The following CNBD1 variants were observed in gnomAD, a reference collection of about 807,000 sequenced individuals.
The protein encoded by CNBD1 is cyclic nucleotide-binding domain-containing protein 1.
A neutral mutation model predicts 54.4 loss-of-function variants in CNBD1; 71 were observed. The ratio of observed to expected loss-of-function variants is 1.30; its 90% CI spans 1.08 to 1.59. The LOEUF is 1.59. Among genes scored for constraint, CNBD1 ranks in the 40% most tolerant of loss-of-function variants. The probability of loss-of-function intolerance (pLI) is 0.00; values close to 1 mark genes in which losing one functional copy is unlikely to be tolerated. For missense variants in CNBD1, 659 were observed against 518.0 expected, an observed-to-expected ratio of 1.27 and a Z score of -2.64; for synonymous variants, 182 against 170.7, an observed-to-expected ratio of 1.07 and a Z score of -0.51.
chr8:87,003,403 C>T (rs1809032971), intron 4 of CNBD1, among the ~76,000 whole-genome samples: 1 of 152,020 alleles, frequency 6.6e-6, no homozygotes, highest in Non-Finnish European at 1.5e-5. Flanking sequence ...AAAAGGGAGG[C>T]AGGGGAGCAT....
At chr8:87,362,049 C>G (rs2130937460) in intron 10 of CNBD1, among the ~76,000 whole-genome samples, 1 of 152,052 alleles carries the variant, frequency 6.6e-6, no homozygotes, top group East Asian at 1.9e-4. Flanking sequence ...AGATTGAGTC[C>G]AATGACAAAC....
At chr8:86,927,769 A>G (rs1809387983) in intron 3 of CNBD1, among the ~76,000 whole-genome samples, 1 of 152,082 alleles carries the variant, frequency 6.6e-6, no homozygotes, top group African/African-American at 2.4e-5. Flanking sequence ...ATAGGTTTTC[A>G]CTTATATTTT....
downstream of CNBD1, among the ~76,000 whole-genome samples, chr8:87,384,231 AT>A (rs1424203099): frequency 1.3e-5 from 2 of 152,090 alleles, no homozygotes; most frequent in Non-Finnish European, 2.9e-5. Context: ...GCCATTAGAT[AT>A]TTTTAAGATA....
At chr8:86,904,478 A>G (rs1362561530) in intron 2 of CNBD1, among the ~76,000 whole-genome samples, 2 of 152,072 alleles carry the variant, frequency 1.3e-5, no homozygotes, top group South Asian at 2.1e-4. Context: ...GTAGCTACAT[A>G]TAAGAGTCAT....
intron 4 of CNBD1, among the ~76,000 whole-genome samples, chr8:87,084,958 G>A (rs781009566): frequency 6.6e-6 from 1 of 152,200 alleles, no homozygotes; most frequent in Non-Finnish European, 1.5e-5. Flanking sequence ...ACAGGCGTGA[G>A]CCACTACGCC....
At chr8:87,306,464 A>G (rs1809150690) in intron 8 of CNBD1, among the ~76,000 whole-genome samples, 2 of 152,348 alleles carry the variant, frequency 1.3e-5, no homozygotes, top group African/African-American at 4.8e-5. Context: ...TTGTAGCAGC[A>G]TGATTCACAA....
intron 2 of CNBD1, among the ~76,000 whole-genome samples, chr8:87,407,812 A>G (rs1399159606): frequency 6.6e-6 from 1 of 151,954 alleles, no homozygotes; most frequent in East Asian, 1.9e-4. Context: ...ATAAGTGCCT[A>G]CTTATTTACT....
At chr8:87,029,126 G>A (rs1471039998) in intron 4 of CNBD1, among the ~76,000 whole-genome samples, 1 of 152,144 alleles carries the variant, frequency 6.6e-6, no homozygotes, top group African/African-American at 2.4e-5. Flanking sequence ...GGAGAAAAAA[G>A]GAATTATTTG....
intron 5 of CNBD1, among the ~76,000 whole-genome samples, chr8:87,210,267 G>A (rs1346659752): frequency 6.6e-6 from 1 of 152,188 alleles, no homozygotes; most frequent in Admixed American, 6.5e-5. Flanking sequence ...AGGGAAAGCA[G>A]AGCATGAGAG....
chr8:87,366,497 C>T (rs1001067307), intron 10 of CNBD1, among the ~76,000 whole-genome samples: 1 of 152,038 alleles, frequency 6.6e-6, no homozygotes, highest in Non-Finnish European at 1.5e-5. Context: ...CTGAAGAAAA[C>T]TCTTTGTGTT....
At chr8:87,316,076 C>T (rs1055976415) in intron 8 of CNBD1, among the ~76,000 whole-genome samples, 2 of 151,672 alleles carry the variant, frequency 1.3e-5, no homozygotes, top group African/African-American at 4.8e-5. Flanking sequence ...TTGATCTTAG[C>T]CAAAAGGCTG....
intron 2 of CNBD1, among the ~76,000 whole-genome samples, chr8:87,421,450 A>G (rs960842708): frequency 2.0e-4 from 21 of 106,180 alleles, no homozygotes; most frequent in African/African-American, 6.7e-4. Flanking sequence ...AACAGTCCCC[A>G]GAGTGTGATG....
chr8:87,012,561 C>A (rs1375187719), intron 4 of CNBD1, among the ~76,000 whole-genome samples: 3 of 152,142 alleles, frequency 2.0e-5, no homozygotes, highest in African/African-American at 7.2e-5. Flanking sequence ...TCCGGCCTTC[C>A]TTCCCAGATC....
intron 4 of CNBD1, among the ~76,000 whole-genome samples, chr8:87,070,399 A>G (rs1326935083): frequency 6.6e-6 from 1 of 152,130 alleles, no homozygotes; most frequent in Non-Finnish European, 1.5e-5. Flanking sequence ...AACATAAAAT[A>G]CACGGATTGT....
chr8:87,174,531 C>A (rs994276602), intron 4 of CNBD1, among the ~76,000 whole-genome samples: 6 of 152,000 alleles, frequency 3.9e-5, no homozygotes, highest in African/African-American at 1.2e-4. Flanking sequence ...ATTTTGAATT[C>A]TTTGTCTGAA....
chr8:87,055,434 C>G (rs566709784), intron 4 of CNBD1, among the ~76,000 whole-genome samples: 1 of 141,028 alleles, frequency 7.1e-6, no homozygotes, highest in Non-Finnish European at 1.5e-5. Flanking sequence ...TTAGGTAAGT[C>G]CCCCCCTTCC....
At chr8:87,389,802 C>G (rs1221908795) in intron 2 of CNBD1, among the ~76,000 whole-genome samples, 1 of 152,234 alleles carries the variant, frequency 6.6e-6, no homozygotes, top group East Asian at 1.9e-4. Flanking sequence ...CAATCCTAAG[C>G]CGAAAGAACA....
chr8:87,277,437 C>T (rs1215237096), intron 6 of CNBD1, among the ~76,000 whole-genome samples: 1 of 151,696 alleles, frequency 6.6e-6, no homozygotes, highest in Non-Finnish European at 1.5e-5. Context: ...CAGAGAAACA[C>T]ACAGAAAAAT....
downstream of CNBD1, among the ~76,000 whole-genome samples, chr8:87,385,421 A>G (rs1049518757): frequency 6.6e-6 from 1 of 152,022 alleles, no homozygotes; most frequent in Admixed American, 6.6e-5. Flanking sequence ...TGCCACCCTA[A>G]TACTGCGCTT....
Sources: gnomAD v4.1 joint callset for allele counts (sites outside exome capture counted in the v4.1 genomes callset) on GRCh38, gnomAD v4.1.1 for gene constraint, MANE v1.5 for transcripts, NCBI Gene and HGNC (gene_info 2026-07-23, HGNC 2026-07-21) for gene names.